The following CLIC4 variants were observed in gnomAD, a reference collection of about 807,000 sequenced individuals.
CLIC4 encodes chloride intracellular channel protein 4.
CLIC4 carries 13 observed loss-of-function variants against 24.6 expected under a neutral mutation model. That is an observed-to-expected ratio of 0.53 (90% CI 0.34 to 0.84). The LOEUF is 0.84. Among genes scored for constraint, CLIC4 ranks in the 40% least tolerant of loss-of-function variants. The pLI, the probability that CLIC4 is intolerant of heterozygous loss-of-function variation, is 0.01. For synonymous variants in CLIC4, 104 were observed against 111.3 expected (o/e 0.93, Z 0.41); for missense variants, 227 against 301.7 (o/e 0.75, Z 1.83).
chr1:24,808,693 T>TC (rs956496472), intron 2 of CLIC4, among the ~76,000 whole-genome samples: 2 of 151,116 alleles, frequency 1.3e-5, no homozygotes, highest in Non-Finnish European at 3.0e-5. Flanking sequence ...TTTTTTTTTT[T>TC]TGAGATGGAG....
intron 1 of CLIC4, among the ~76,000 whole-genome samples, chr1:24,757,786 GA>G (rs1414616362): frequency 7.0e-6 from 1 of 142,222 alleles, no homozygotes; most frequent in Non-Finnish European, 1.5e-5. Context: ...CTTTTTTTTT[GA>G]GACACAGTCT....
rs574324895 is a variant in CLIC4, at chr1:24,786,763, A to G, written c.73-10979A>G. Among the ~76,000 whole-genome samples, 1,091 of 151,744 alleles carry G rather than the reference A, an allele frequency of 7.2e-3. 17 individuals carry two copies. The highest frequency in any genetic ancestry group is 0.025 in the African/African-American group (1,034 of 41,356). On this transcript the variant is annotated intron_variant, in intron 1 of 5. Coordinates refer to ENST00000374379, the MANE Select transcript of CLIC4 (RefSeq NM_013943.3). ...CTCCCGAGTAGCTGGGACTACAGGC[A>G]CCCACCACCACACCCGGCTAATTTT...
intron 2 of CLIC4, 44 bp from the exon 3 acceptor site, chr1:24,814,050 A>G (rs1284308107): frequency 1.8e-5 from 29 of 1,610,828 alleles, no homozygotes; most frequent in Non-Finnish European, 2.3e-5. Flanking sequence ...TTGTTGTTTA[A>G]GAGTAAAAAA....
intron 4 of CLIC4, among the ~76,000 whole-genome samples, chr1:24,835,819 A>G (rs1639880742): frequency 6.6e-6 from 1 of 152,240 alleles, no homozygotes; most frequent in Non-Finnish European, 1.5e-5. Flanking sequence ...AGAAAAGAAC[A>G]CAGAACAGGT....
intron 2 of CLIC4, among the ~76,000 whole-genome samples, chr1:24,802,322 G>C (rs1639500151): frequency 6.6e-6 from 1 of 152,124 alleles, no homozygotes; most frequent in South Asian, 2.1e-4. Context: ...TTGCAGATTT[G>C]TATATATATG....
intron 1 of CLIC4, among the ~76,000 whole-genome samples, chr1:24,781,122 A>C (rs1571240202): frequency 1.4e-5 from 2 of 138,772 alleles, no homozygotes; most frequent in African/African-American, 2.6e-5. Flanking sequence ...AATTGAAAGG[A>C]CAGGTAACTG....
chr1:24,750,396 G>T (rs866681115), intron 1 of CLIC4, among the ~76,000 whole-genome samples: 2 of 151,374 alleles, frequency 1.3e-5, no homozygotes, highest in South Asian at 4.2e-4. Context: ...AGGGCATAAG[G>T]TCCCTTGTAA....
chr1:24,793,110 G>T (rs1390736930), intron 1 of CLIC4: 1 of 151,146 alleles, frequency 6.6e-6, no homozygotes, highest in African/African-American at 2.4e-5. Context: ...AGTGGAGGAG[G>T]ATAAAGGCCT....
At chr1:24,825,855 A>C (rs1301873121) in intron 3 of CLIC4, among the ~76,000 whole-genome samples, 1 of 152,248 alleles carries the variant, frequency 6.6e-6, no homozygotes, top group Non-Finnish European at 1.5e-5. Context: ...CAATGTCTTC[A>C]AATAAATGAG....
intron 2 of CLIC4, among the ~76,000 whole-genome samples, chr1:24,803,413 C>T (rs1031011600): frequency 2.6e-5 from 4 of 152,152 alleles, no homozygotes; most frequent in Non-Finnish European, 5.9e-5. Flanking sequence ...TCCATAAGAA[C>T]AAGCCCATTT....
In CLIC4 at chr1:24,840,015, C is replaced by T; in HGVS notation, c.571C>T (p.Leu191=). 2 of 1,614,068 alleles carry T rather than the reference C, an allele frequency of 1.2e-6. No individual in the cohort carries two copies. The highest frequency in any genetic ancestry group is 8.5e-7 in the Non-Finnish European group (1 of 1,179,978). Residue 191 remains leucine, a synonymous_variant, in exon 5 of 6, where the codon CTG becomes TTG. Coordinates refer to ENST00000374379, the MANE Select transcript of CLIC4 (RefSeq NM_013943.3). The stretch of plus-strand genomic sequence containing the variant: ...TGAAATGACATTAGCTGATTGCAAC[C>T]TGCTGCCCAAACTGCATATTGTCAA... ...GNEMTLADCN[L]LPKLHIVKVV...
intron 4 of CLIC4, among the ~76,000 whole-genome samples, chr1:24,831,113 T>C (rs1290011682): frequency 6.6e-6 from 1 of 152,240 alleles, no homozygotes; most frequent in Non-Finnish European, 1.5e-5. Context: ...TATGAAAAAT[T>C]ACTAACACCG....
chr1:24,774,007 C>A (rs954424578), intron 1 of CLIC4, among the ~76,000 whole-genome samples: 7 of 152,134 alleles, frequency 4.6e-5, no homozygotes, highest in Non-Finnish European at 7.3e-5. Flanking sequence ...GAGTCTCCCT[C>A]TGTGGCCCTG....
chr1:24,803,116 A>G (rs1639508532), intron 2 of CLIC4, among the ~76,000 whole-genome samples: 1 of 152,154 alleles, frequency 6.6e-6, no homozygotes, highest in Non-Finnish European at 1.5e-5. Context: ...AAAACAAACA[A>G]CCCACCAGTA....
intron 2 of CLIC4, among the ~76,000 whole-genome samples, chr1:24,811,562 G>T (rs192813536): frequency 2.6e-5 from 4 of 151,900 alleles, no homozygotes. Context: ...AGCCTCGACC[G>T]CCTGGGCTCA....
chr1:24,798,273 T>C (rs1422942105), intron 2 of CLIC4, among the ~76,000 whole-genome samples: 2 of 152,250 alleles, frequency 1.3e-5, no homozygotes, highest in Non-Finnish European at 2.9e-5. Context: ...ATACCGTTGT[T>C]GTCAATTTCA....
At chr1:24,764,601 C>A (rs1052552811) in intron 1 of CLIC4, among the ~76,000 whole-genome samples, 3 of 151,698 alleles carry the variant, frequency 2.0e-5, no homozygotes, top group African/African-American at 7.3e-5. Flanking sequence ...TTGCAGTGAG[C>A]CAAGATAGTG....
At chr1:24,781,209 A>G (rs1156407128) in intron 1 of CLIC4, among the ~76,000 whole-genome samples, 1 of 142,116 alleles carries the variant, frequency 7.0e-6, no homozygotes, top group African/African-American at 2.6e-5. Context: ...ATCTCAGCTC[A>G]CTGCAACCTC....
At position 24,831,345 on chromosome 1, in the gene CLIC4, G is replaced by C. The variant is rs376573851; in HGVS notation, c.415+4229G>C. 5.9e-5 allele frequency among the ~76,000 whole-genome samples: 9 copies of C among 152,300 alleles called. No homozygotes were observed. In the South Asian group the frequency reaches 1.2e-3, roughly 21 times the overall value. ...CCCAAAGTGCTGAGATTACAGGCGT[G>C]AACCACTGTGTCTTGCACTGACGAA... On this transcript the variant is annotated intron_variant, in intron 4 of 5. Coordinates refer to ENST00000374379, the MANE Select transcript of CLIC4 (RefSeq NM_013943.3).
Sources: gnomAD v4.1 joint callset for allele counts (sites outside exome capture counted in the v4.1 genomes callset) on GRCh38, gnomAD v4.1.1 for gene constraint, MANE v1.5 for transcripts, NCBI Gene and HGNC (gene_info 2026-07-23, HGNC 2026-07-21) for gene names.